The following TM2D2 variants were observed in gnomAD, a reference collection of about 807,000 sequenced individuals.
TM2D2 encodes the protein TM2 domain containing 2.
TM2D2 carries 19 observed loss-of-function variants against 23.0 expected under a neutral mutation model. The observed-to-expected ratio is 0.82, with a 90% CI of 0.58 to 1.21. The LOEUF (loss-of-function observed/expected upper bound fraction) is 1.21. Among genes scored for constraint, TM2D2 ranks in the 50% most tolerant of loss-of-function variants. The pLI, the probability that TM2D2 is intolerant of heterozygous loss-of-function variation, is 0.00. For missense variants in TM2D2, 246 were observed against 265.4 expected (o/e 0.93, Z 0.51); for synonymous variants, 120 against 108.8 (o/e 1.10, Z -0.64).
At chr8:38,992,110 G>C (rs923403427) in intron 3 of TM2D2, among the ~76,000 whole-genome samples, 1 of 152,052 alleles carries the variant, frequency 6.6e-6, no homozygotes, top group African/African-American at 2.4e-5. Flanking sequence ...GCTTCAGGAA[G>C]AGCAGTCTCT....
chr8:38,993,528 A>C lies in TM2D2; in HGVS notation c.431+17T>G, dbSNP rs1835664980. The stretch of plus-strand genomic sequence containing the variant: ...CTCCAACCAAGTACCAACTACTCCA[A>C]TCAAAGTAACACTTACTTTATACAA... On this transcript the variant is annotated intron_variant, in intron 3 of 3. Coordinates refer to ENST00000456397, the MANE Select transcript of TM2D2 (RefSeq NM_078473.3). The C allele has an allele frequency of 1.0e-5, 16 of 1,571,086 alleles. No individual in the cohort carries two copies. Among genetic ancestry groups the C allele is most frequent in the Non-Finnish European group, 1.4e-5 (16 of 1,142,522 alleles).
intron 2 of TM2D2, among the ~76,000 whole-genome samples, chr8:38,994,617 C>T (rs1424635789): frequency 6.6e-6 from 1 of 152,194 alleles, no homozygotes; most frequent in African/African-American, 2.4e-5. Context: ...ATTCTCTTAA[C>T]ATCTGACCAA....
chr8:38,996,760 C>A, upstream of TM2D2: 3 of 1,417,454 alleles, frequency 2.1e-6, no homozygotes, highest in Non-Finnish European at 2.8e-6. Context: ...CGGCAGCCGA[C>A]GGGGCGGGGC....
In TM2D2 at chr8:38,990,590, C is replaced by T. The variant is rs1459162707; in HGVS notation, c.*742G>A. On this transcript the variant is annotated 3_prime_UTR_variant, in exon 4 of 4. Transcript: ENST00000456397. Reference sequence around the variant, plus strand: ...ACGCTGATTTTTAGATTGGACAATTCTGCCAGGAGGAATAGCTCAACTCAC... The same window carrying T: ...ACGCTGATTTTTAGATTGGACAATTTTGCCAGGAGGAATAGCTCAACTCAC... The T allele has an allele frequency of 6.6e-6, 1 of 152,192 alleles. No homozygotes were observed. The highest frequency in any genetic ancestry group is 2.1e-4 in the South Asian group (1 of 4,826). The allele number at this position is 152,192 out of a possible 1,614,324, so 9.4% of individuals were successfully genotyped here. A position where few individuals can be genotyped will look rare whatever the true frequency, so the allele number is the denominator to read the frequency against.
At chr8:38,995,627 G>C (rs1191916303) in intron 1 of TM2D2, 1 of 1,432,970 alleles carries the variant, frequency 7.0e-7, no homozygotes, top group Non-Finnish European at 9.1e-7. Flanking sequence ...GGTGTTTCTG[G>C]TCCTGTTTCT....
In TM2D2 at chr8:38,995,406, C is replaced by G. The variant is rs1339319929; in HGVS notation, c.228-1G>C. On this transcript the variant is annotated splice_acceptor_variant, in intron 1 of 3. Coordinates refer to ENST00000456397, the MANE Select transcript of TM2D2 (RefSeq NM_078473.3). LOFTEE classifies it high-confidence loss of function. ...TTCACATTCTATAAATTCATCAGGT[C>G]TGTAATTCACCAGTAAGATCATGAT... 6.2e-7 allele frequency: 1 copy of G among 1,612,450 alleles called. No individual in the cohort carries two copies. The highest frequency in any genetic ancestry group is 1.3e-5 in the African/African-American group (1 of 74,740).
rs139782449 is a variant in TM2D2, at chr8:38,993,513, G to C, written c.431+32C>G. The C allele has an allele frequency of 2.8e-4, 423 of 1,524,464 alleles. 2 individuals are homozygous for C. In the African/African-American group the frequency reaches 5.5e-3, roughly 20 times the overall value. 94.4% of individuals were successfully genotyped at this position (1,524,464 alleles called of 1,614,324 possible). ...GGAAAATGGCTCTACCTCCAACCAA[G>C]TACCAACTACTCCAATCAAAGTAAC... On this transcript the variant is annotated intron_variant, in intron 3 of 3. Coordinates refer to ENST00000456397, the MANE Select transcript of TM2D2 (RefSeq NM_078473.3).
upstream of TM2D2, chr8:38,996,853 C>T: frequency 6.9e-7 from 1 of 1,452,492 alleles, no homozygotes; most frequent in Non-Finnish European, 9.0e-7. Flanking sequence ...TGGATTTTTC[C>T]CTACGTCAGC....
chr8:38,996,434 CA>C lies in TM2D2; in HGVS notation c.5del (p.Val2GlyfsTer2). 1 of 1,614,042 alleles carries C rather than the reference CA, an allele frequency of 6.2e-7. No homozygotes were observed. The highest frequency in any genetic ancestry group is 2.2e-5 in the East Asian group (1 of 44,872). On this transcript the variant is annotated frameshift_variant, in exon 1 of 4. Coordinates refer to ENST00000456397, the MANE Select transcript of TM2D2 (RefSeq NM_078473.3). LOFTEE classifies it high-confidence loss of function. ...AGTAACTAACCGGGCAACCACCTAG[CA>C]CCATCTTCCCGGGCACAGGAGCGGA... M[V>X]LGGCPVSYLL...
At chr8:38,993,351 G>A (rs563961656) in intron 3 of TM2D2, among the ~76,000 whole-genome samples, 194 bp downstream of exon 3, 2 of 152,334 alleles carry the variant, frequency 1.3e-5, no homozygotes, top group Non-Finnish European at 2.9e-5. Flanking sequence ...AGATACTCGG[G>A]AGGCTGAGGC....
In TM2D2 at chr8:38,996,074, A is replaced by G. The variant is rs574262925; in HGVS notation, c.227+139T>C. The G allele has an allele frequency of 8.0e-5, 84 of 1,045,006 alleles. 2 individuals are homozygous for G. In the South Asian group the frequency reaches 1.3e-3, roughly 16 times the overall value. 64.7% of individuals were successfully genotyped at this position (1,045,006 alleles called of 1,614,324 possible). The stretch of plus-strand genomic sequence containing the variant: ...GCACGGGCTGTGAGAAACCTGGTTC[A>G]TGATATTTGCCTCCGGAACGACCTC... On this transcript the variant is annotated intron_variant, in intron 1 of 3. Transcript: ENST00000456397.
chr8:38,991,652 T>C (rs1468941561), intron 3 of TM2D2, 107 bp from the exon 4 acceptor site: 10 of 855,898 alleles, frequency 1.2e-5, no homozygotes, highest in Non-Finnish European at 1.9e-5. Flanking sequence ...GGACCCTCTG[T>C]GGCCTTTTAC....
intron 3 of TM2D2, 34 bp from the exon 4 acceptor site, chr8:38,991,579 CT>C: frequency 6.5e-7 from 1 of 1,529,278 alleles, no homozygotes; most frequent in Non-Finnish European, 9.0e-7. Context: ...AGATGTTTTA[CT>C]GCACGAAAAT....
intron 1 of TM2D2, 125 bp from the exon 2 acceptor site, chr8:38,995,530 C>G: frequency 1.3e-6 from 2 of 1,541,262 alleles, no homozygotes; most frequent in Middle Eastern, 1.8e-4. Context: ...CGGTTTCACC[C>G]TGCTGACCCC....
chr8:38,995,509 T>C (rs1455990443), intron 1 of TM2D2, 104 bp from the exon 2 acceptor site: 1 of 1,575,178 alleles, frequency 6.3e-7, no homozygotes. Context: ...TTCATCAAGT[T>C]TTCTGGGGTT....
chr8:38,995,734 T>G, intron 1 of TM2D2: 2 of 1,288,520 alleles, frequency 1.6e-6, no homozygotes, highest in Non-Finnish European at 2.0e-6. Context: ...CAGTCCTCTT[T>G]GCATTTCCCA....
chr8:38,989,490 CTG>C lies in TM2D2; in HGVS notation c.*1840_*1841del, dbSNP rs1469080700. The C allele has an allele frequency of 3.3e-5, 5 of 152,264 alleles. No homozygotes were observed. Among genetic ancestry groups the C allele is most frequent in the Non-Finnish European group, 7.3e-5 (5 of 68,156 alleles). 9.4% of individuals were successfully genotyped at this position (152,264 alleles called of 1,614,324 possible). ...CTAATTTTTGCATTTTTACTAGAGA[CTG>C]GGCGGGGGTGGGGGAGTGTGTCTCA... On this transcript the variant is annotated 3_prime_UTR_variant, in exon 4 of 4. Coordinates refer to ENST00000456397, the MANE Select transcript of TM2D2 (RefSeq NM_078473.3).
intron 1 of TM2D2, 126 bp downstream of exon 1, chr8:38,996,087 C>G: frequency 8.5e-7 from 1 of 1,169,722 alleles, no homozygotes; most frequent in East Asian, 2.6e-5. Flanking sequence ...ATATTTGCCT[C>G]CGGAACGACC....
intron 3 of TM2D2, 73 bp from the exon 4 acceptor site, chr8:38,991,618 ACG>A: frequency 8.5e-7 from 1 of 1,181,718 alleles, no homozygotes; most frequent in Admixed American, 1.9e-5. Context: ...AGTGAATTTA[ACG>A]TAAGTGATGA....
Sources: allele counts gnomAD v4.1 joint callset (sites outside exome capture counted in the v4.1 genomes callset), GRCh38; gene constraint gnomAD v4.1.1; transcripts MANE v1.5; gene names NCBI Gene and HGNC (gene_info 2026-07-23, HGNC 2026-07-21).